The following PANK2 variants were observed in gnomAD, a reference collection of about 807,000 sequenced individuals.
PANK2 encodes the protein pantothenate kinase 2, also known as pantothenate kinase 2, mitochondrial.
A neutral mutation model predicts 43.1 loss-of-function variants in PANK2; 36 were observed. The observed-to-expected ratio is 0.84, with a 90% CI of 0.64 to 1.10. PANK2 has a LOEUF of 1.10. Among genes scored for constraint, PANK2 ranks in the 50% least tolerant of loss-of-function variants. The pLI, the probability that PANK2 is intolerant of heterozygous loss-of-function variation, is 0.00. For missense variants in PANK2, 576 were observed against 593.3 expected, an observed-to-expected ratio of 0.97 and a Z score of 0.30; for synonymous variants, 281 against 238.2, an observed-to-expected ratio of 1.18 and a Z score of -1.66.
At position 3,927,302 on chromosome 20, in the gene PANK2, A is replaced by T. The variant is rs1228421038; in HGVS notation, c.*4008A>T. The T allele has an allele frequency of 6.6e-6, 1 of 152,234 alleles. No individual in the cohort carries two copies. Among genetic ancestry groups the T allele is most frequent in the East Asian group, 1.9e-4 (1 of 5,208 alleles). The allele number at this position is 152,234 out of a possible 1,614,324, so 9.4% of individuals were successfully genotyped here. A position where few individuals can be genotyped will look rare whatever the true frequency, so the allele number is the denominator to read the frequency against. On this transcript the variant is annotated 3_prime_UTR_variant, in exon 7 of 7. Transcript: ENST00000610179. ...GTTCCCTCTGTTCAAAGGCATATGC[A>T]CAACACTATTTTTCAAAATTTGCTT... is the stretch of plus-strand genomic sequence containing the variant.
At chr20:3,922,303 A>G (rs1027066342) in intron 6 of PANK2, among the ~76,000 whole-genome samples, 2 of 152,124 alleles carry the variant, frequency 1.3e-5, no homozygotes, top group African/African-American at 4.8e-5. Context: ...TTCTGTCATT[A>G]TGGGGTTTGC....
At chr20:3,908,798 G>T (rs919137570) in intron 2 of PANK2, 2 of 199,198 alleles carry the variant, frequency 1.0e-5, no homozygotes, top group African/African-American at 2.4e-5. Flanking sequence ...GCTTTCTGAT[G>T]TGTTCTGTGC....
intron 1 of PANK2, among the ~76,000 whole-genome samples, chr20:3,895,966 G>A (rs1393654729): frequency 6.6e-6 from 1 of 152,098 alleles, no homozygotes; most frequent in African/African-American, 2.4e-5. Flanking sequence ...GAACAGCCTA[G>A]ACATGGATTT....
intron 1 of PANK2, chr20:3,889,983 C>G (rs1346769609): frequency 2.1e-6 from 3 of 1,445,266 alleles, no homozygotes; most frequent in Middle Eastern, 1.7e-4. Context: ...AGGACCTGTC[C>G]TCCCTTTTCT....
At chr20:3,892,993 A>G (rs912742243) in intron 1 of PANK2, among the ~76,000 whole-genome samples, 3 of 152,142 alleles carry the variant, frequency 2.0e-5, no homozygotes, top group Non-Finnish European at 4.4e-5. Flanking sequence ...ATAAAGATTG[A>G]TTTTAAAATG....
At chr20:3,900,081 G>C (rs1005108808) in intron 1 of PANK2, among the ~76,000 whole-genome samples, 1 of 151,742 alleles carries the variant, frequency 6.6e-6, no homozygotes, top group African/African-American at 2.4e-5. Flanking sequence ...GTGTTGTTTG[G>C]TCTGCTAGTA....
intron 1 of PANK2, among the ~76,000 whole-genome samples, chr20:3,897,554 G>T (rs2090230106): frequency 1.3e-5 from 2 of 151,966 alleles, no homozygotes; most frequent in African/African-American, 4.8e-5. Context: ...TTAGCTGGTT[G>T]TGGTGGCCTG....
intron 1 of PANK2, chr20:3,889,980 G>A (rs772642616): frequency 6.8e-7 from 1 of 1,463,230 alleles, no homozygotes; most frequent in South Asian, 1.2e-5. Flanking sequence ...CCCAGGACCT[G>A]TCCTCCCTTT....
intron 2 of PANK2, 89 bp downstream of exon 2, chr20:3,908,367 T>TA: frequency 8.2e-7 from 1 of 1,213,292 alleles, no homozygotes; most frequent in Non-Finnish European, 1.2e-6. Flanking sequence ...TTTCCATCTC[T>TA]AATGGAACTT....
chr20:3,917,817 CTTTT>C (rs1259006775), intron 5 of PANK2, among the ~76,000 whole-genome samples: 1 of 152,092 alleles, frequency 6.6e-6, no homozygotes, highest in Non-Finnish European at 1.5e-5. Context: ...ATCATAACTT[CTTTT>C]TTCTTTATTG....
intron 1 of PANK2, among the ~76,000 whole-genome samples, chr20:3,898,696 G>C (rs1286114549): frequency 1.3e-5 from 2 of 152,002 alleles, no homozygotes; most frequent in Non-Finnish European, 2.9e-5. Flanking sequence ...TTATTTCTTT[G>C]TTTGTTGGAT....
At position 3,918,724 on chromosome 20, in the gene PANK2, C is replaced by T; in HGVS notation, c.1260C>T (p.Ala420=). ...ATTTCTTGAGAATTAATACGATCGC[C>T]ATGCGGCTTTTGGCATATGCTTTGG... The change falls in exon 6 of 7, where the codon GCC becomes GCT. Residue 420 remains alanine, a synonymous_variant. Coordinates refer to ENST00000610179, the MANE Select transcript of PANK2 (RefSeq NM_001386393.1). 6.2e-7 allele frequency: 1 copy of T among 1,614,214 alleles called. No homozygotes were observed. The highest frequency in any genetic ancestry group is 8.5e-7 in the Non-Finnish European group (1 of 1,180,038).
chr20:3,901,355 A>G (rs557123225), intron 1 of PANK2, among the ~76,000 whole-genome samples: 19 of 150,572 alleles, frequency 1.3e-4, no homozygotes, highest in African/African-American at 4.6e-4. Flanking sequence ...GCTGTTTTGT[A>G]TTTACTGTAC....
In PANK2 at chr20:3,927,806, TGAGAA is replaced by T. The variant is rs913885520; in HGVS notation, c.*4517_*4521del. On this transcript the variant is annotated 3_prime_UTR_variant, in exon 7 of 7. Coordinates refer to ENST00000610179, the MANE Select transcript of PANK2 (RefSeq NM_001386393.1). Reference sequence around the variant, plus strand: ...CAGGCTTGGGACTGGCAAAGGGAGCTGAGAAGAGAGTTCCCCCAAAGCACAAACAA... The same window carrying T: ...CAGGCTTGGGACTGGCAAAGGGAGCTGAGAGTTCCCCCAAAGCACAAACAA... 9 of 152,302 alleles carry T rather than the reference TGAGAA, an allele frequency of 5.9e-5. No homozygotes were observed. Among genetic ancestry groups the T allele is most frequent in the Non-Finnish European group, 1.2e-4 (8 of 68,066 alleles). The allele number at this position is 152,302 out of a possible 1,614,324, so 9.4% of individuals were successfully genotyped here. A position where few individuals can be genotyped will look rare whatever the true frequency, so the allele number is the denominator to read the frequency against.
At chr20:3,906,898 A>T (rs1304954814) in intron 1 of PANK2, among the ~76,000 whole-genome samples, 4 of 151,904 alleles carry the variant, frequency 2.6e-5, no homozygotes, top group Non-Finnish European at 5.9e-5. Context: ...TCATGGGTTC[A>T]AGCGATTCTC....
At chr20:3,889,234 A>C, upstream of PANK2, 1 of 1,613,322 alleles carries the variant, frequency 6.2e-7, no homozygotes, top group Non-Finnish European at 8.5e-7. Context: ...CCGCCCCGTC[A>C]CGATAGCCTC....
intron 1 of PANK2, among the ~76,000 whole-genome samples, chr20:3,902,481 G>A (rs375770645): frequency 1.3e-5 from 2 of 151,566 alleles, no homozygotes; most frequent in East Asian, 1.9e-4. Context: ...GTTTCATCAT[G>A]TTGGCCTGGC....
At chr20:3,918,588 C>T (rs1276778910) in intron 5 of PANK2, 83 bp from the exon 6 acceptor site, 5 of 1,571,234 alleles carry the variant, frequency 3.2e-6, no homozygotes, top group Non-Finnish European at 4.4e-6. Context: ...AAGAGCTATG[C>T]ACATGGTGCT....
intron 1 of PANK2, among the ~76,000 whole-genome samples, chr20:3,903,440 G>A (rs192230423): frequency 6.7e-6 from 1 of 148,894 alleles, no homozygotes; most frequent in East Asian, 2.0e-4. Flanking sequence ...GAGCCACGAC[G>A]CCCGGCTTTT....
Sources: gnomAD v4.1 joint callset for allele counts (sites outside exome capture counted in the v4.1 genomes callset) on GRCh38, gnomAD v4.1.1 for gene constraint, MANE v1.5 for transcripts, NCBI Gene and HGNC (gene_info 2026-07-23, HGNC 2026-07-21) for gene names.